Variants in PLXNA4 observed in about 807,000 individuals in gnomAD.
The protein encoded by PLXNA4 is plexin A4, also known as plexin-A4.
PLXNA4 carries 44 observed loss-of-function variants against 191.8 expected under a neutral mutation model. That is an observed-to-expected ratio of 0.23 (90% CI 0.18 to 0.29). The LOEUF is 0.29. Ranked by LOEUF, PLXNA4 falls within the 10% of genes least tolerant of loss-of-function variation. The pLI, the probability that PLXNA4 is intolerant of heterozygous loss-of-function variation, is 1.00. For missense variants in PLXNA4, 1,800 were observed against 2,488.8 expected (o/e 0.72, Z 5.89); for synonymous variants, 1,082 against 1,009.5 (o/e 1.07, Z -1.36).
chr7:132,573,294 C>T (rs886812092), intron 1 of PLXNA4, among the ~76,000 whole-genome samples: 3 of 152,274 alleles, frequency 2.0e-5, no homozygotes, highest in African/African-American at 7.2e-5. Context: ...CCTTGTAACC[C>T]ACCACAGAGC....
chr7:132,472,749 C>G (rs1031228586), intron 3 of PLXNA4, among the ~76,000 whole-genome samples: 1 of 152,310 alleles, frequency 6.6e-6, no homozygotes, highest in South Asian at 2.1e-4. Flanking sequence ...GTGAAAGGCA[C>G]AGGGCCCCTC....
chr7:132,513,882 G>A (rs1371489603), intron 1 of PLXNA4, among the ~76,000 whole-genome samples: 1 of 151,324 alleles, frequency 6.6e-6, no homozygotes, highest in African/African-American at 2.4e-5. Flanking sequence ...ACCATGTTGG[G>A]TCAGGCTAGT....
At chr7:132,200,984 C>T (rs1015332721) in intron 12 of PLXNA4, among the ~76,000 whole-genome samples, 3 of 152,216 alleles carry the variant, frequency 2.0e-5, no homozygotes, top group Non-Finnish European at 4.4e-5. Context: ...GAAGTTCTAA[C>T]CCCAGTGTCT....
intron 3 of PLXNA4, among the ~76,000 whole-genome samples, chr7:132,478,124 TA>T (rs1452393009): frequency 9.9e-5 from 15 of 152,110 alleles, no homozygotes; most frequent in African/African-American, 3.4e-4. Context: ...TAGCTCTACT[TA>T]AGGTCAACAT....
intron 2 of PLXNA4, among the ~76,000 whole-genome samples, chr7:132,496,997 A>G (rs1798044495): frequency 6.6e-6 from 1 of 152,186 alleles, no homozygotes; most frequent in African/African-American, 2.4e-5. Flanking sequence ...AAGTTAGGAG[A>G]AAAAGGGAAG....
intron 4 of PLXNA4, among the ~76,000 whole-genome samples, chr7:132,254,623 C>T (rs1054691155): frequency 3.9e-5 from 6 of 152,208 alleles, no homozygotes; most frequent in Admixed American, 6.5e-5. Flanking sequence ...GGGGACCCAG[C>T]GGCGCTGTGC....
chr7:132,626,314 G>A (rs1426378998), intron 2 of PLXNA4, among the ~76,000 whole-genome samples: 1 of 152,210 alleles, frequency 6.6e-6, no homozygotes, highest in Non-Finnish European at 1.5e-5. Flanking sequence ...CTAGCCTGAA[G>A]GACTTTTGCC....
chr7:132,446,350 T>C (rs1003378832), intron 3 of PLXNA4, among the ~76,000 whole-genome samples: 1 of 152,146 alleles, frequency 6.6e-6, no homozygotes, highest in African/African-American at 2.4e-5. Flanking sequence ...CACCATCCCA[T>C]TATGCAAGAG....
chr7:132,302,416 C>T lies in PLXNA4; in HGVS notation c.1372-4194G>A, dbSNP rs539853666. Among the ~76,000 whole-genome samples the T allele has an allele frequency of 7.2e-5, 11 of 152,200 alleles. No individual in the cohort carries two copies. The East Asian group carries it at 2.1e-3, about 30-fold the overall frequency. On this transcript the variant is annotated intron_variant, in intron 3 of 31. Coordinates refer to ENST00000321063, the MANE Select transcript of PLXNA4 (RefSeq NM_020911.2). ...GCTGTACTCAGTGCAATCCCCAATA[C>T]ATGGTTGGTGCTTAGTAAGTAATTA...
intron 3 of PLXNA4, among the ~76,000 whole-genome samples, chr7:132,412,023 C>T (rs987371406): frequency 4.6e-5 from 7 of 152,082 alleles, no homozygotes; most frequent in African/African-American, 9.7e-5. Context: ...CTCAAAGGTG[C>T]CGAGTTTGTT....
chr7:132,214,341 C>T (rs1291178704), intron 9 of PLXNA4, among the ~76,000 whole-genome samples: 2 of 152,126 alleles, frequency 1.3e-5, no homozygotes. Context: ...TTATCGGTAG[C>T]CCCATAAAGG....
At chr7:132,185,101 TG>T (rs1397808040) in intron 16 of PLXNA4, among the ~76,000 whole-genome samples, 197 bp downstream of exon 16, 2 of 152,142 alleles carry the variant, frequency 1.3e-5, no homozygotes, top group Non-Finnish European at 2.9e-5. Flanking sequence ...GCCTCCAGGC[TG>T]GGTTTGGCAC....
chr7:132,132,917 G>T (rs1312144374), intron 31 of PLXNA4, 132 bp downstream of exon 31: 4 of 1,314,242 alleles, frequency 3.0e-6, no homozygotes, highest in Non-Finnish European at 4.1e-6. Flanking sequence ...ACAGCCCCAG[G>T]TCCTCAGTGG....
intron 8 of PLXNA4, 37 bp from the exon 9 acceptor site, chr7:132,223,678 C>A (rs776287012): frequency 3.2e-6 from 5 of 1,545,502 alleles, no homozygotes; most frequent in Non-Finnish European, 4.4e-6. Flanking sequence ...ATCTAAGAAC[C>A]TGGATGAGCC....
chr7:132,394,904 T>C lies in PLXNA4; in HGVS notation c.1371+94388A>G, dbSNP rs556068881. 3.9e-5 allele frequency among the ~76,000 whole-genome samples: 6 copies of C among 152,356 alleles called. No homozygotes were observed. In the South Asian group the frequency reaches 1.2e-3, roughly 32 times the overall value. ...AATTCTCTGAGGCCATCTGTGGCTC[T>C]GATCCACCAGTCAGGTGAGCCGTGG... On this transcript the variant is annotated intron_variant, in intron 3 of 31. Coordinates refer to ENST00000321063, the MANE Select transcript of PLXNA4 (RefSeq NM_020911.2).
intron 4 of PLXNA4, among the ~76,000 whole-genome samples, chr7:132,248,452 G>T (rs1336087974): frequency 6.6e-6 from 1 of 152,196 alleles, no homozygotes; most frequent in African/African-American, 2.4e-5. Context: ...GTGCTGGACA[G>T]AAAGTTACAC....
At chr7:132,356,127 C>T (rs56983980) in intron 3 of PLXNA4, among the ~76,000 whole-genome samples, 3,388 of 152,266 alleles carry the variant, frequency 0.022, 132 homozygotes, top group African/African-American at 0.077. Flanking sequence ...AAGGTGAAGA[C>T]ATCTTAAGCC....
chr7:132,222,663 AG>A (rs1222963201), intron 9 of PLXNA4, among the ~76,000 whole-genome samples: 1 of 152,210 alleles, frequency 6.6e-6, no homozygotes, highest in East Asian at 1.9e-4. Context: ...AGAGAGTGCA[AG>A]AAACACTGTC....
rs566992912 is a variant in PLXNA4 at position 132,403,437 on chromosome 7, C to T, written c.1371+85855G>A. 3.3e-5 allele frequency among the ~76,000 whole-genome samples: 5 copies of T among 152,276 alleles called. 1 individual carries two copies. The highest frequency in any genetic ancestry group is 1.2e-4 in the African/African-American group (5 of 41,562). On this transcript the variant is annotated intron_variant, in intron 3 of 31. Transcript: ENST00000321063. ...AGCCTAAAACCAGGCAGGCAGGTAA[C>T]GGGAGGGGGCCCTAATTGCTGCTAA...
Sources: allele counts gnomAD v4.1 joint callset (sites outside exome capture counted in the v4.1 genomes callset), GRCh38; gene constraint gnomAD v4.1.1; transcripts MANE v1.5; gene names NCBI Gene and HGNC (gene_info 2026-07-23, HGNC 2026-07-21).